Variants in FSTL4 observed in about 807,000 individuals in gnomAD.
FSTL4 encodes the protein follistatin like 4, also known as follistatin-related protein 4.
A neutral mutation model predicts 78.2 loss-of-function variants in FSTL4; 28 were observed. That is an observed-to-expected ratio of 0.36 (90% CI 0.27 to 0.49). FSTL4 has a LOEUF of 0.49. Ranked by LOEUF, FSTL4 falls within the 20% of genes least tolerant of loss-of-function variation. The pLI is 0.98. For synonymous variants in FSTL4, 422 were observed against 440.5 expected (o/e 0.96, Z 0.53); for missense variants, 922 against 1,084.9 (o/e 0.85, Z 2.11).
At chr5:133,337,433 T>C (rs1455425414) in intron 4 of FSTL4, among the ~76,000 whole-genome samples, 6 of 152,184 alleles carry the variant, frequency 3.9e-5, no homozygotes, top group African/African-American at 7.2e-5. Context: ...TTGGGGTGCA[T>C]TAGCGCTGAA....
the FSTL4 span, among the ~76,000 whole-genome samples, chr5:133,637,884 G>A: frequency 6.6e-6 from 1 of 151,232 alleles, no homozygotes; most frequent in East Asian, 1.9e-4. Flanking sequence ...ATGGGCTCCA[G>A]TCACCGAGAT....
chr5:133,713,710 T>A, the FSTL4 span, among the ~76,000 whole-genome samples: 2 of 152,068 alleles, frequency 1.3e-5, no homozygotes, highest in African/African-American at 2.4e-5. Flanking sequence ...TGGGAGGGGA[T>A]GGGAAGTGTC....
intron 3 of FSTL4, among the ~76,000 whole-genome samples, chr5:133,408,406 C>T (rs186334429): frequency 1.2e-4 from 18 of 152,248 alleles, no homozygotes; most frequent in Non-Finnish European, 1.0e-4. Context: ...AAGGCAGGAA[C>T]GTGAGGCTCC....
chr5:133,754,038 G>A, the FSTL4 span, among the ~76,000 whole-genome samples: 4 of 152,204 alleles, frequency 2.6e-5, no homozygotes, highest in African/African-American at 7.2e-5. Flanking sequence ...AAGCTCTGCT[G>A]TACCATTCGT....
intron 2 of FSTL4, among the ~76,000 whole-genome samples, chr5:133,591,939 T>C (rs1760637161): frequency 6.6e-6 from 1 of 152,144 alleles, no homozygotes. Context: ...CAGGCGATTC[T>C]GCTCCTGGCC....
chr5:133,716,839 C>T, the FSTL4 span, among the ~76,000 whole-genome samples: 1 of 152,204 alleles, frequency 6.6e-6, no homozygotes, highest in Non-Finnish European at 1.5e-5. Flanking sequence ...GAAACAAATT[C>T]CATTTTTAGA....
At chr5:133,316,239 G>A (rs949776765) in intron 5 of FSTL4, among the ~76,000 whole-genome samples, 1 of 152,224 alleles carries the variant, frequency 6.6e-6, no homozygotes, top group African/African-American at 2.4e-5. Flanking sequence ...TCAGAGACCA[G>A]GCCCTCTGAA....
At chr5:133,631,765 T>C in the FSTL4 span, among the ~76,000 whole-genome samples, 7 of 152,186 alleles carry the variant, frequency 4.6e-5, no homozygotes, top group Non-Finnish European at 1.0e-4. Flanking sequence ...CCATCAATGA[T>C]GGACTGGATA....
intron 12 of FSTL4, among the ~76,000 whole-genome samples, chr5:133,219,588 T>C (rs967437545): frequency 6.6e-6 from 1 of 152,220 alleles, no homozygotes; most frequent in African/African-American, 2.4e-5. Context: ...AGGAAGAGGC[T>C]TGTCCCATTG....
At chr5:133,712,715 G>T in the FSTL4 span, among the ~76,000 whole-genome samples, 458 of 152,340 alleles carry the variant, frequency 3.0e-3, 4 homozygotes, top group African/African-American at 0.011. Context: ...TCGTGGATTT[G>T]TCCTGGAGAC....
At chr5:133,784,606 A>T in the FSTL4 span, among the ~76,000 whole-genome samples, 2 of 152,192 alleles carry the variant, frequency 1.3e-5, no homozygotes, top group Non-Finnish European at 2.9e-5. Flanking sequence ...TCTCTGTGTG[A>T]AAGTCCAGAT....
the FSTL4 span, among the ~76,000 whole-genome samples, chr5:133,762,421 G>C: frequency 7.2e-5 from 11 of 152,184 alleles, no homozygotes; most frequent in Admixed American, 2.0e-4. Flanking sequence ...CCTTTGGAAT[G>C]TAGTCCCAGA....
the FSTL4 span, among the ~76,000 whole-genome samples, chr5:133,641,887 TC>T: frequency 6.6e-6 from 1 of 151,542 alleles, no homozygotes; most frequent in African/African-American, 2.4e-5. Flanking sequence ...TTCTCCTTCT[TC>T]CCCCCTCCTC....
At chr5:133,251,381 T>C (rs904800106) in intron 6 of FSTL4, among the ~76,000 whole-genome samples, 2 of 152,326 alleles carry the variant, frequency 1.3e-5, no homozygotes, top group African/African-American at 4.8e-5. Flanking sequence ...GGCAACCGCA[T>C]GTGTCTGGGC....
At chr5:133,812,470 C>T in the FSTL4 span, among the ~76,000 whole-genome samples, 4 of 152,252 alleles carry the variant, frequency 2.6e-5, no homozygotes, top group Non-Finnish European at 5.9e-5. Context: ...TCAAACACAC[C>T]AGGCTTGGTG....
intron 15 of FSTL4, 82 bp downstream of exon 15, chr5:133,201,850 AG>A: frequency 1.4e-6 from 1 of 729,620 alleles, no homozygotes; most frequent in Non-Finnish European, 2.3e-6. Flanking sequence ...AGAAATGAGC[AG>A]GTCCCATGCT....
At chr5:133,680,317 C>T in the FSTL4 span, among the ~76,000 whole-genome samples, 10 of 152,296 alleles carry the variant, frequency 6.6e-5, no homozygotes, top group South Asian at 8.3e-4. Flanking sequence ...CTATAGCATG[C>T]GGCTAAGAGA....
chr5:133,245,101 CAGAG>C (rs1751996354), intron 7 of FSTL4, among the ~76,000 whole-genome samples: 1 of 133,316 alleles, frequency 7.5e-6, no homozygotes, highest in African/African-American at 2.9e-5. Flanking sequence ...GTCTGGGTGA[CAGAG>C]AGAGACCCTA....
chr5:133,447,539 T>C (rs922369202), intron 3 of FSTL4, among the ~76,000 whole-genome samples: 6 of 151,952 alleles, frequency 3.9e-5, no homozygotes, highest in African/African-American at 1.5e-4. Context: ...TATAATTTCT[T>C]TTTCTTCTCT....
Sources: gnomAD v4.1 joint callset for allele counts (sites outside exome capture counted in the v4.1 genomes callset) on GRCh38, gnomAD v4.1.1 for gene constraint, MANE v1.5 for transcripts, NCBI Gene and HGNC (gene_info 2026-07-23, HGNC 2026-07-21) for gene names.